The following DNAH11 variants were observed in gnomAD, a reference collection of about 807,000 sequenced individuals.
DNAH11 encodes axonemal beta dynein heavy chain 11.
DNAH11 carries 442 observed loss-of-function variants against 526.0 expected under a neutral mutation model. That is an observed-to-expected ratio of 0.84 (90% CI 0.78 to 0.91). The LOEUF (loss-of-function observed/expected upper bound fraction) is 0.91, where lower values mean the gene tolerates loss of function less well. Among genes scored for constraint, DNAH11 ranks in the 40% least tolerant of loss-of-function variants. The pLI is 0.00. For missense variants in DNAH11, 6,989 were observed against 5,448.7 expected, an observed-to-expected ratio of 1.28 and a Z score of -8.90; for synonymous variants, 2,461 against 1,935.9, an observed-to-expected ratio of 1.27 and a Z score of -7.12.
intron 62 of DNAH11, among the ~76,000 whole-genome samples, chr7:21,803,742 A>C (rs1789111171): frequency 6.6e-6 from 1 of 150,726 alleles, no homozygotes; most frequent in East Asian, 2.0e-4. Context: ...AAAAGTGGAC[A>C]ATGGGGCTGT....
At chr7:21,654,689 G>C (rs1008648961) in intron 28 of DNAH11, among the ~76,000 whole-genome samples, 1 of 152,074 alleles carries the variant, frequency 6.6e-6, no homozygotes, top group Non-Finnish European at 1.5e-5. Context: ...GCTTTTATTT[G>C]CACCGTGAAT....
At chr7:21,717,340 C>T (rs931765479) in intron 42 of DNAH11, among the ~76,000 whole-genome samples, 2 of 152,030 alleles carry the variant, frequency 1.3e-5, no homozygotes, top group African/African-American at 4.8e-5. Flanking sequence ...ATAGCCCCTA[C>T]GGAATTTTCA....
intron 63 of DNAH11, among the ~76,000 whole-genome samples, chr7:21,814,708 G>A (rs989347266): frequency 2.0e-5 from 3 of 151,690 alleles, no homozygotes; most frequent in Non-Finnish European, 2.9e-5. Flanking sequence ...GGAATTTTTC[G>A]GCTCCATTAT....
chr7:21,563,963 A>G (rs1204629265), intron 5 of DNAH11, among the ~76,000 whole-genome samples: 1 of 152,146 alleles, frequency 6.6e-6, no homozygotes, highest in Non-Finnish European at 1.5e-5. Context: ...TATGTGGGTA[A>G]CTAGATCAGT....
chr7:21,806,539 T>A (rs576158462), intron 62 of DNAH11, among the ~76,000 whole-genome samples: 1 of 152,238 alleles, frequency 6.6e-6, no homozygotes, highest in South Asian at 2.1e-4. Flanking sequence ...GACCTCAGGG[T>A]TGTAGATATT....
intron 54 of DNAH11, among the ~76,000 whole-genome samples, chr7:21,754,452 C>T (rs1380208258): frequency 6.6e-6 from 1 of 152,054 alleles, no homozygotes; most frequent in Non-Finnish European, 1.5e-5. Context: ...CTTACTGAAA[C>T]TGAGATCAGT....
intron 5 of DNAH11, among the ~76,000 whole-genome samples, chr7:21,563,557 CACATA>C (rs144664405): frequency 0.06 from 9,112 of 152,186 alleles, 466 homozygotes; most frequent in East Asian, 0.29. Context: ...AAATAAACTT[CACATA>C]ACATAAAATT....
intron 65 of DNAH11, among the ~76,000 whole-genome samples, chr7:21,836,182 G>C (rs1781990014): frequency 6.6e-6 from 1 of 152,006 alleles, no homozygotes; most frequent in South Asian, 2.1e-4. Context: ...TACCCAAAGT[G>C]ATCTACACGT....
chr7:21,789,341 T>G lies in DNAH11; in HGVS notation c.10025T>G (p.Val3342Gly), dbSNP rs1476508310. 1.9e-6 allele frequency: 3 copies of G among 1,562,240 alleles called. No individual in the cohort carries two copies. The highest frequency in any genetic ancestry group is 4.8e-5 in the East Asian group (2 of 42,068). ...CTAGAGGCTATCAGGAAAAAGCTTG[T>G]GGTGAGTGCAAACTATGACATTGAA... ...EKLEAIRKKLVDLDRNLSRLT... is the reference protein window; with the variant it reads ...EKLEAIRKKLGDLDRNLSRLT... Residue 3342 changes from valine (V) to glycine (G), a missense_variant and splice_region_variant, in exon 61 of 82, where the codon GTG (valine) becomes GGG (glycine). By Grantham distance (109) the Val-to-Gly change is moderately radical. Transcript: ENST00000409508.
At chr7:21,561,949 C>A (rs1783474747) in intron 5 of DNAH11, among the ~76,000 whole-genome samples, 2 of 152,118 alleles carry the variant, frequency 1.3e-5, no homozygotes, top group South Asian at 4.1e-4. Flanking sequence ...TGAAAATTCA[C>A]TTCAAAAATG....
chr7:21,873,253 A>C, intron 73 of DNAH11, 21 bp from the exon 74 acceptor site: 1 of 1,541,882 alleles, frequency 6.5e-7, no homozygotes, highest in Non-Finnish European at 8.8e-7. Flanking sequence ...CACAGGAATT[A>C]TGCACCATGC....
chr7:21,545,628 GA>G (rs1245624939), intron 2 of DNAH11, among the ~76,000 whole-genome samples: 4 of 152,210 alleles, frequency 2.6e-5, no homozygotes, highest in African/African-American at 9.6e-5. Flanking sequence ...AAAAGGTGAT[GA>G]AAGTGTTAGA....
At chr7:21,601,343 A>G in intron 17 of DNAH11, 53 bp from the exon 18 acceptor site, 1 of 1,536,816 alleles carries the variant, frequency 6.5e-7, no homozygotes, top group Admixed American at 1.9e-5. Flanking sequence ...TATACTGCTA[A>G]ATGTTTTAAT....
chr7:21,595,363 G>A (rs758839138), intron 14 of DNAH11, among the ~76,000 whole-genome samples: 2 of 152,236 alleles, frequency 1.3e-5, no homozygotes, highest in Non-Finnish European at 2.9e-5. Context: ...GAGGACATAA[G>A]CATTCAGACA....
chr7:21,830,561 A>G (rs1366151969), intron 65 of DNAH11, among the ~76,000 whole-genome samples: 1 of 152,202 alleles, frequency 6.6e-6, no homozygotes, highest in Admixed American at 6.5e-5. Context: ...AGAGCAAATT[A>G]ACCTGCAATG....
At chr7:21,873,784 C>CTTTTTTGTTTTTTTTTTT (rs1783591328) in intron 74 of DNAH11, among the ~76,000 whole-genome samples, 1 of 70,700 alleles carries the variant, frequency 1.4e-5, no homozygotes, top group Non-Finnish European at 2.3e-5. Flanking sequence ...GAGGAGGTTG[C>CTTTTTTGTTTTTTTTTTT]TTTTTTTTTT....
chr7:21,677,443 G>A (rs1782939444), intron 30 of DNAH11, among the ~76,000 whole-genome samples: 1 of 152,110 alleles, frequency 6.6e-6, no homozygotes, highest in Admixed American at 6.5e-5. Context: ...GTGCAGTGGT[G>A]TGATCTCAGC....
intron 29 of DNAH11, among the ~76,000 whole-genome samples, chr7:21,658,009 T>A (rs183284058): frequency 1.8e-4 from 28 of 152,296 alleles, no homozygotes; most frequent in African/African-American, 6.3e-4. Context: ...TTTATTGCTA[T>A]GGTCAATTAT....
chr7:21,544,885 A>T, intron 1 of DNAH11, 121 bp from the exon 2 acceptor site: 1 of 734,212 alleles, frequency 1.4e-6, no homozygotes. Context: ...CCTTGTTTAT[A>T]GGGCAGGCAA....
Sources: gnomAD v4.1 joint callset for allele counts (sites outside exome capture counted in the v4.1 genomes callset) on GRCh38, gnomAD v4.1.1 for gene constraint, MANE v1.5 for transcripts, NCBI Gene and HGNC (gene_info 2026-07-23, HGNC 2026-07-21) for gene names.